The following TRAPPC8 variants were observed in gnomAD, a reference collection of about 807,000 sequenced individuals.
TRAPPC8 encodes the protein general sporulation gene 1 homolog.
Under a neutral mutation model 174.3 loss-of-function variants are expected in TRAPPC8, and 54 were observed. The observed-to-expected ratio is 0.31, with a 90% confidence interval of 0.25 to 0.39. TRAPPC8 has a LOEUF of 0.39. TRAPPC8 is among the 10% of genes least tolerant of loss of function. The pLI is 1.00. For synonymous variants in TRAPPC8, 630 were observed against 579.9 expected, an observed-to-expected ratio of 1.09 and a Z score of -1.24; for missense variants, 1,531 against 1,699.1, an observed-to-expected ratio of 0.90 and a Z score of 1.74.
intron 22 of TRAPPC8, among the ~76,000 whole-genome samples, chr18:31,853,136 T>C (rs2033801696): frequency 6.6e-6 from 1 of 152,242 alleles, no homozygotes; most frequent in African/African-American, 2.4e-5. Flanking sequence ...GAATGTTATA[T>C]AAACATGACA....
chr18:31,921,390 G>A (rs1356673878), intron 2 of TRAPPC8, among the ~76,000 whole-genome samples: 1 of 152,152 alleles, frequency 6.6e-6, no homozygotes, highest in Non-Finnish European at 1.5e-5. Context: ...GAGGCAGGCG[G>A]ATTACCTGAG....
At position 31,909,074 on chromosome 18, in the gene TRAPPC8, C is replaced by T; in HGVS notation, c.866-64G>A. On this transcript the variant is annotated intron_variant, in intron 6 of 28. Transcript: ENST00000283351. The stretch of plus-strand genomic sequence containing the variant: ...CAACAGAAAACAGTGCTAATACTAC[C>T]ATACTGCTAAAGAAAAAAAAAAAGC... The T allele has an allele frequency of 5.0e-6, 7 of 1,397,542 alleles. No homozygotes were observed. The South Asian group carries it at 7.5e-5, about 15-fold the overall frequency. 86.6% of individuals were successfully genotyped at this position (1,397,542 alleles called of 1,614,324 possible). A position where few individuals can be genotyped will look rare whatever the true frequency, so the allele number is the denominator to read the frequency against.
intron 2 of TRAPPC8, among the ~76,000 whole-genome samples, chr18:31,927,349 G>A (rs1250487618): frequency 6.6e-6 from 1 of 151,678 alleles, no homozygotes; most frequent in African/African-American, 2.4e-5. Context: ...TGCAACCTCT[G>A]CCTCCCAGGT....
intron 26 of TRAPPC8, among the ~76,000 whole-genome samples, chr18:31,841,155 C>T (rs1018260884): frequency 6.6e-6 from 1 of 151,948 alleles, no homozygotes; most frequent in Non-Finnish European, 1.5e-5. Flanking sequence ...TATTCCAATG[C>T]TTATATTTGC....
At chr18:31,925,473 G>A (rs1163584880) in intron 2 of TRAPPC8, among the ~76,000 whole-genome samples, 6 of 151,916 alleles carry the variant, frequency 3.9e-5, no homozygotes. Context: ...AAAATAAAAA[G>A]ACAGAGATAG....
At chr18:31,899,485 T>C (rs1220450001) in intron 10 of TRAPPC8, among the ~76,000 whole-genome samples, 1 of 152,226 alleles carries the variant, frequency 6.6e-6, no homozygotes, top group Non-Finnish European at 1.5e-5. Flanking sequence ...AGGGGTCTTA[T>C]AGGGGTCAAA....
At chr18:31,934,707 A>G (rs2038004205) in intron 1 of TRAPPC8, among the ~76,000 whole-genome samples, 1 of 151,948 alleles carries the variant, frequency 6.6e-6, no homozygotes, top group Non-Finnish European at 1.5e-5. Context: ...GTCTCTACTA[A>G]AAATACAAAA....
At chr18:31,923,858 A>G (rs992111012) in intron 2 of TRAPPC8, among the ~76,000 whole-genome samples, 1 of 152,176 alleles carries the variant, frequency 6.6e-6, no homozygotes. Flanking sequence ...AGTTCTAAAA[A>G]TAATAAGGCC....
rs762091390 is a variant in TRAPPC8, at chr18:31,874,538, C to T, written c.1895G>A (p.Ser632Asn). ...SAFRHILINE[S>N]KQSAAQQGAF... ...CCCCTGTTGAGCAGCAGATTGTTTA[C>T]TTTCATTAATTAGAATATGCCTAAA... Residue 632 changes from serine (S) to asparagine (N), a missense_variant, in exon 13 of 29, where the codon AGT (serine) becomes AAT (asparagine). Coordinates refer to ENST00000283351, the MANE Select transcript of TRAPPC8 (RefSeq NM_014939.5). The T allele has an allele frequency of 1.2e-6, 2 of 1,614,108 alleles. No homozygotes were observed. Among genetic ancestry groups the T allele is most frequent in the Admixed American group, 1.7e-5 (1 of 60,014 alleles).
chr18:31,859,790 G>A (rs1490064688), intron 19 of TRAPPC8, among the ~76,000 whole-genome samples: 1 of 152,090 alleles, frequency 6.6e-6, no homozygotes, highest in Non-Finnish European at 1.5e-5. Flanking sequence ...TTGGGAGGTG[G>A]GCAGATCACG....
At chr18:31,911,558 G>A (rs1293674054) in intron 5 of TRAPPC8, among the ~76,000 whole-genome samples, 1 of 151,772 alleles carries the variant, frequency 6.6e-6, no homozygotes, top group Non-Finnish European at 1.5e-5. Flanking sequence ...GGACAACATG[G>A]TGAAACCCCA....
Position 31,942,942 on chromosome 18 carries a change from ATCCACTGACCCCCCCCT to A in TRAPPC8, c.-195_-179del, listed in dbSNP as rs2038416142. ...CCGCCGCTTCGGTTTCTGGGGCACA[ATCCACTGACCCCCCCCT>A]TCCCGTCACCGCCGCTTCTCAGCGC... On this transcript the variant is annotated 5_prime_UTR_variant, in exon 1 of 29. Transcript: ENST00000283351. The A allele has an allele frequency of 8.4e-7, 1 of 1,189,538 alleles. No homozygotes were observed. Among genetic ancestry groups the A allele is most frequent in the Non-Finnish European group, 1.1e-6 (1 of 947,086 alleles). The allele number at this position is 1,189,538 out of a possible 1,614,324, so 73.7% of individuals were successfully genotyped here. A position where few individuals can be genotyped will look rare whatever the true frequency, so the allele number is the denominator to read the frequency against.
In TRAPPC8 at chr18:31,853,836, AAAAC is replaced by A; in HGVS notation, c.3433+9_3433+12del. ...TTTCAAAATTTATTATGTAGCAGGA[AAAAC>A]AAACAAACCTTTGTTTTCAGAAAGA... On this transcript the variant is annotated intron_variant, in intron 22 of 28. Coordinates refer to ENST00000283351, the MANE Select transcript of TRAPPC8 (RefSeq NM_014939.5). 4 of 1,593,354 alleles carry A rather than the reference AAAAC, an allele frequency of 2.5e-6. No homozygotes were observed. The highest frequency in any genetic ancestry group is 1.1e-5 in the South Asian group (1 of 88,534).
intron 12 of TRAPPC8, among the ~76,000 whole-genome samples, chr18:31,881,947 T>C (rs1288632479): frequency 6.6e-6 from 1 of 152,062 alleles, no homozygotes; most frequent in African/African-American, 2.4e-5. Flanking sequence ...TCATACCAGT[T>C]TAGAATGGCT....
intron 15 of TRAPPC8, 97 bp downstream of exon 15, chr18:31,870,829 T>A (rs2034819916): frequency 8.7e-7 from 1 of 1,154,504 alleles, no homozygotes; most frequent in Non-Finnish European, 1.2e-6. Flanking sequence ...TATTTTTGCA[T>A]CCCCAGCACC....
chr18:31,832,047 CCCAAAT>C (rs1355436037), intron 28 of TRAPPC8, 31 bp downstream of exon 28: 13 of 1,336,440 alleles, frequency 9.7e-6, no homozygotes, highest in African/African-American at 1.5e-5. Flanking sequence ...TTAAATTGCT[CCCAAAT>C]CAAATAACCT....
chr18:31,901,208 T>C (rs1009972041), intron 9 of TRAPPC8, among the ~76,000 whole-genome samples, 183 bp from the exon 10 acceptor site: 1 of 152,108 alleles, frequency 6.6e-6, no homozygotes, highest in Non-Finnish European at 1.5e-5. Context: ...TCAGAGAAGA[T>C]GGGTGATCTG....
intron 26 of TRAPPC8, among the ~76,000 whole-genome samples, chr18:31,840,030 A>G (rs1207815657): frequency 1.3e-5 from 2 of 152,206 alleles, no homozygotes; most frequent in African/African-American, 4.8e-5. Context: ...TGTCAGGCAC[A>G]TTATGACTAT....
chr18:31,942,436 T>C, intron 1 of TRAPPC8, 172 bp downstream of exon 1: 1 of 792,324 alleles, frequency 1.3e-6, no homozygotes, highest in Non-Finnish European at 1.9e-6. Context: ...CTTGACAACC[T>C]CACGGTCCCT....
Sources: gnomAD v4.1 joint callset for allele counts (sites outside exome capture counted in the v4.1 genomes callset) on GRCh38, gnomAD v4.1.1 for gene constraint, MANE v1.5 for transcripts, NCBI Gene and HGNC (gene_info 2026-07-23, HGNC 2026-07-21) for gene names.